The following CD5L variants were observed in gnomAD, a reference collection of about 807,000 sequenced individuals.
CD5L encodes the protein CD5 antigen-like.
A neutral mutation model predicts 40.8 loss-of-function variants in CD5L; 39 were observed. The ratio of observed to expected loss-of-function variants is 0.96; its 90% CI spans 0.74 to 1.25. CD5L has a LOEUF of 1.25. Ranked by LOEUF, CD5L falls within the 50% of genes most tolerant of loss-of-function variation. The probability of loss-of-function intolerance (pLI) is 0.00; values close to 1 mark genes in which losing one functional copy is unlikely to be tolerated. For missense variants in CD5L, 433 were observed against 435.9 expected (o/e 0.99, Z 0.06); for synonymous variants, 192 against 169.6 (o/e 1.13, Z -1.03).
In CD5L at chr1:157,839,365, A is replaced by G; in HGVS notation, c.55+19T>C. On this transcript the variant is annotated intron_variant, in intron 2 of 5. Coordinates refer to ENST00000368174, the MANE Select transcript of CD5L (RefSeq NM_005894.3). ...CCTAAGCTTGAGGCCTCCCTCTCAG[A>G]AACCCCCAAAAATCTTACCTAGGAA... is the stretch of plus-strand genomic sequence containing the variant. 6.2e-7 allele frequency: 1 copy of G among 1,613,662 alleles called. No individual in the cohort carries two copies. The highest frequency in any genetic ancestry group is 8.5e-7 in the Non-Finnish European group (1 of 1,179,766).
intron 1 of CD5L, among the ~76,000 whole-genome samples, chr1:157,841,365 C>A (rs1191228651): frequency 2.0e-5 from 3 of 152,126 alleles, no homozygotes; most frequent in Admixed American, 6.5e-5. Context: ...CTGCCCGGTG[C>A]CCATTCATTT....
rs1220387418 is a variant in CD5L at position 157,831,047 on chromosome 1, T to C, written c.*917A>G. 1.0e-6 allele frequency: 1 copy of C among 985,254 alleles called. No individual in the cohort carries two copies. The highest frequency in any genetic ancestry group is 1.2e-6 in the Non-Finnish European group (1 of 829,886). The allele number at this position is 985,254 out of a possible 1,614,324, so 61.0% of individuals were successfully genotyped here. On this transcript the variant is annotated 3_prime_UTR_variant, in exon 6 of 6. Coordinates refer to ENST00000368174, the MANE Select transcript of CD5L (RefSeq NM_005894.3). ...AAGTCTTGATTCTCTTATTTCTGTCTTGCCTCAAGCTTACAGGCCCCAAAG... is the reference window on the plus strand; with the variant it reads ...AAGTCTTGATTCTCTTATTTCTGTCCTGCCTCAAGCTTACAGGCCCCAAAG...
At chr1:157,838,600 AAAG>A (rs1272919796) in intron 2 of CD5L, among the ~76,000 whole-genome samples, 1 of 152,066 alleles carries the variant, frequency 6.6e-6, no homozygotes, top group Non-Finnish European at 1.5e-5. Flanking sequence ...AAATTCAGGG[AAAG>A]AAGAAATAAA....
At chr1:157,827,739 G>C (rs1050746811), downstream of CD5L, among the ~76,000 whole-genome samples, 2 of 152,138 alleles carry the variant, frequency 1.3e-5, no homozygotes, top group African/African-American at 4.8e-5. Flanking sequence ...GATGCCCCAT[G>C]ACTCAGTGAA....
Position 157,833,213 on chromosome 1 carries a change from C to G in CD5L, c.1018G>C (p.Asp340His). The G allele has an allele frequency of 6.2e-7, 1 of 1,613,624 alleles. No homozygotes were observed. The highest frequency in any genetic ancestry group is 1.1e-5 in the South Asian group (1 of 91,014). ...TCACCTGAGCAGATGACAGCCACAT[C>G]TTCCTGGTGGGTGCAGTCGTGAAAC... is the stretch of plus-strand genomic sequence containing the variant. ...WGFHDCTHQE[D>H]VAVICSG The change falls in exon 5 of 6, where the codon GAT becomes CAT. Residue 340 changes from aspartate to histidine, a missense_variant. Physicochemically the swap from Asp to His is moderately conservative, Grantham distance 81. Coordinates refer to ENST00000368174, the MANE Select transcript of CD5L (RefSeq NM_005894.3).
rs780088326 is a variant in CD5L, at chr1:157,835,915, G to T, written c.296C>A (p.Thr99Lys). The change falls in exon 3 of 6, where the codon ACA becomes AAA. Residue 99 changes from threonine (T) to lysine (K), a missense_variant. By Grantham distance (78) the Thr-to-Lys change is moderately conservative (BLOSUM62 -1). Coordinates refer to ENST00000368174, the MANE Select transcript of CD5L (RefSeq NM_005894.3). ...CTCACACTGAGCCAATGTATCTTCTGTTCCTGTGCAACTGACTGATTGGAT... is the reference window on the plus strand; with the variant it reads ...CTCACACTGAGCCAATGTATCTTCTTTTCCTGTGCAACTGACTGATTGGAT... ...VLIQSVSCTG[T>K]EDTLAQCEQE... 100 of 1,614,066 alleles carry T rather than the reference G, an allele frequency of 6.2e-5. No individual in the cohort carries two copies. Among genetic ancestry groups the T allele is most frequent in the Non-Finnish European group, 8.0e-5 (94 of 1,180,020 alleles).
At chr1:157,835,048 TAA>T (rs1306811338) in intron 3 of CD5L, among the ~76,000 whole-genome samples, 1 of 152,240 alleles carries the variant, frequency 6.6e-6, no homozygotes, top group African/African-American at 2.4e-5. Context: ...CTTTTAAAAA[TAA>T]ATACAATAAC....
At chr1:157,830,586 G>A (rs1656021770), downstream of CD5L, among the ~76,000 whole-genome samples, 1 of 152,180 alleles carries the variant, frequency 6.6e-6, no homozygotes, top group Non-Finnish European at 1.5e-5. Flanking sequence ...AGGAGCCAGA[G>A]ACCAGTGTGG....
intron 2 of CD5L, among the ~76,000 whole-genome samples, chr1:157,837,920 C>T (rs149372278): frequency 0.01 from 1,531 of 151,918 alleles, 29 homozygotes; most frequent in African/African-American, 0.035. Context: ...GGATTACAGG[C>T]GCCAGCCACC....
chr1:157,833,509 G>A lies in CD5L; in HGVS notation c.722C>T (p.Pro241Leu). The A allele has an allele frequency of 6.2e-7, 1 of 1,601,550 alleles. No individual in the cohort carries two copies. Among genetic ancestry groups the A allele is most frequent in the South Asian group, 1.1e-5 (1 of 90,674 alleles). Residue 241 changes from proline (P) to leucine (L), a missense_variant, in exon 5 of 6, where the codon CCC (proline) becomes CTC (leucine). By Grantham distance (98) the Pro-to-Leu change is moderately conservative (BLOSUM62 -3). Transcript: ENST00000368174. ...TCCTCCTACTAGTCTCAAGTCAAAG[G>A]GATCTGCAGGATGGGGGAGGAAGTC... ...DEDTWVECED[P>L]FDLRLVGGDN...
chr1:157,831,890 G>A lies in CD5L; in HGVS notation c.*74C>T, dbSNP rs1656061025. 1.3e-6 allele frequency: 2 copies of A among 1,522,374 alleles called. No individual in the cohort carries two copies. The highest frequency in any genetic ancestry group is 2.4e-5 in the East Asian group (1 of 42,222). 94.3% of individuals were successfully genotyped at this position (1,522,374 alleles called of 1,614,324 possible). On this transcript the variant is annotated 3_prime_UTR_variant, in exon 6 of 6. Coordinates refer to ENST00000368174, the MANE Select transcript of CD5L (RefSeq NM_005894.3). ...AGCCTGAGCCCCAGAATGAGTATGA[G>A]GATAATCAGGGCTCAGGAGAACAAG...
intron 2 of CD5L, 28 bp downstream of exon 2, chr1:157,839,356 C>T: frequency 6.2e-7 from 1 of 1,612,690 alleles, no homozygotes; most frequent in South Asian, 1.1e-5. Flanking sequence ...CTTGAGGCCT[C>T]CCTCTCAGAA....
chr1:157,839,560 G>C, intron 1 of CD5L, 150 bp from the exon 2 acceptor site: 1 of 731,994 alleles, frequency 1.4e-6, no homozygotes, highest in Non-Finnish European at 2.2e-6. Context: ...TCTTCTTCTG[G>C]GATGACCATC....
intron 2 of CD5L, among the ~76,000 whole-genome samples, chr1:157,838,859 C>G (rs1656289482): frequency 6.6e-6 from 1 of 152,156 alleles, no homozygotes; most frequent in African/African-American, 2.4e-5. Context: ...CTTCTATAAA[C>G]TCATTCTCTC....
intron 3 of CD5L, 29 bp from the exon 4 acceptor site, chr1:157,834,777 T>C (rs766558375): frequency 6.4e-7 from 1 of 1,560,532 alleles, no homozygotes; most frequent in Non-Finnish European, 8.8e-7. Flanking sequence ...AGCGTGTCTG[T>C]TCTCTGCCAG....
downstream of CD5L, among the ~76,000 whole-genome samples, chr1:157,827,805 GA>G (rs1283926646): frequency 6.6e-6 from 1 of 152,168 alleles, no homozygotes; most frequent in East Asian, 1.9e-4. Flanking sequence ...TTAAGGAGGA[GA>G]AAAATAACTA....
Position 157,831,663 on chromosome 1 carries a change from G to C in CD5L, c.*301C>G, listed in dbSNP as rs111770134. ...AAAGTGACAGGTTTGAGGATTCCAGGCAGCTTGAGAAAAGGCAGGAAAGGC... is the reference window on the plus strand; with the variant it reads ...AAAGTGACAGGTTTGAGGATTCCAGCCAGCTTGAGAAAAGGCAGGAAAGGC... On this transcript the variant is annotated 3_prime_UTR_variant, in exon 6 of 6. Transcript: ENST00000368174. The C allele has an allele frequency of 1.7e-5, 20 of 1,178,650 alleles. No individual in the cohort carries two copies. The African/African-American group carries it at 2.7e-4, about 16-fold the overall frequency. 73.0% of individuals were successfully genotyped at this position (1,178,650 alleles called of 1,614,324 possible).
At position 157,833,201 on chromosome 1, in the gene CD5L, T is replaced by C. The variant is rs773039510; in HGVS notation, c.1030A>G (p.Ile344Val). 4.3e-6 allele frequency: 7 copies of C among 1,612,932 alleles called. No homozygotes were observed. Among genetic ancestry groups the C allele is most frequent in the Non-Finnish European group, 5.9e-6 (7 of 1,179,328 alleles). The change falls in exon 5 of 6, where the codon ATC (isoleucine) becomes GTC (valine). Residue 344 changes from isoleucine (I) to valine (V), a missense_variant. Coordinates refer to ENST00000368174, the MANE Select transcript of CD5L (RefSeq NM_005894.3). Reference sequence around the variant, plus strand: ...CATCTGTAGGACTCACCTGAGCAGATGACAGCCACATCTTCCTGGTGGGTG... The same window carrying C: ...CATCTGTAGGACTCACCTGAGCAGACGACAGCCACATCTTCCTGGTGGGTG... ...DCTHQEDVAVICSG is the reference protein window; with the variant it reads ...DCTHQEDVAVVCSG
chr1:157,837,540 C>T (rs1331067433), intron 2 of CD5L, among the ~76,000 whole-genome samples: 1 of 152,118 alleles, frequency 6.6e-6, no homozygotes, highest in African/African-American at 2.4e-5. Flanking sequence ...AGTTCTTGTG[C>T]ACCAGGAGAG....
Sources: gnomAD v4.1 joint callset for allele counts (sites outside exome capture counted in the v4.1 genomes callset) on GRCh38, gnomAD v4.1.1 for gene constraint, MANE v1.5 for transcripts, NCBI Gene and HGNC (gene_info 2026-07-23, HGNC 2026-07-21) for gene names.